Variants in TRANK1 observed in about 807,000 individuals in gnomAD.
TRANK1 encodes the protein TPR and ankyrin repeat-containing protein 1.
A neutral mutation model predicts 266.0 loss-of-function variants in TRANK1; 198 were observed. The observed-to-expected ratio is 0.74, with a 90% confidence interval of 0.66 to 0.84. The LOEUF is 0.84. Ranked by LOEUF, TRANK1 falls within the 40% of genes least tolerant of loss-of-function variation. The pLI, the probability that TRANK1 is intolerant of heterozygous loss-of-function variation, is 0.00. For missense variants in TRANK1, 3,326 were observed against 3,634.6 expected (o/e 0.92, Z 2.18); for synonymous variants, 1,396 against 1,384.1 (o/e 1.01, Z -0.19).
intron 10 of TRANK1, among the ~76,000 whole-genome samples, chr3:36,863,898 T>C (rs1453014203): frequency 6.6e-6 from 1 of 152,222 alleles, no homozygotes; most frequent in Non-Finnish European, 1.5e-5. Flanking sequence ...ATTTCTAGAA[T>C]CTTCCCAAAT....
At chr3:36,925,654 A>ACT (rs1344062117) in intron 1 of TRANK1, among the ~76,000 whole-genome samples, 1 of 149,976 alleles carries the variant, frequency 6.7e-6, no homozygotes. Flanking sequence ...GCAGTGGTGC[A>ACT]ATCTCCGCTC....
rs2078927431 is a variant in TRANK1 at position 36,847,243 on chromosome 3, G to C, written c.4991C>G (p.Ser1664Cys). The change falls in exon 16 of 24, where the codon TCT (serine) becomes TGT (cysteine). Residue 1664 changes from serine to cysteine, a missense_variant. Coordinates refer to ENST00000645898, the MANE Select transcript of TRANK1 (RefSeq NM_001329998.2). Reference sequence around the variant, plus strand: ...CACCATGAGAGATCGACCCTGAGAAGAGCCTGGTTTGTCCAGGGGTACTTC... The same window carrying C: ...CACCATGAGAGATCGACCCTGAGAACAGCCTGGTTTGTCCAGGGGTACTTC... ...LVEVPLDKPG[S>C]SQGRSLMVNP... 1.9e-6 allele frequency: 3 copies of C among 1,613,534 alleles called. No individual in the cohort carries two copies. The highest frequency in any genetic ancestry group is 2.5e-6 in the Non-Finnish European group (3 of 1,179,696).
At chr3:36,851,086 A>G in intron 15 of TRANK1, 1 of 985,522 alleles carries the variant, frequency 1.0e-6, no homozygotes, top group Non-Finnish European at 1.2e-6. Flanking sequence ...CTTGGGGAGA[A>G]AAACCCACAA....
rs762121241 is a variant in TRANK1, at chr3:36,833,390, C to T, written c.6193G>A (p.Ala2065Thr). The T allele has an allele frequency of 6.8e-6, 11 of 1,613,780 alleles. No homozygotes were observed. The African/African-American group carries it at 1.5e-4, about 22-fold the overall frequency. The change falls in exon 22 of 24, where the codon GCA becomes ACA. Residue 2065 changes from alanine (A) to threonine (T), a missense_variant. By Grantham distance (58) the Ala-to-Thr change is moderately conservative. Transcript: ENST00000645898. ...TLNHSAGVVE[A>T]LYEAASQCEA... The stretch of plus-strand genomic sequence containing the variant: ...CACTGGCTGGCTGCTTCGTAGAGTG[C>T]TTCCACCACTCCAGCTGAGTGGTTG...
chr3:36,846,251 T>G lies in TRANK1; in HGVS notation c.5188A>C (p.Lys1730Gln), dbSNP rs773414344. 6.3e-7 allele frequency: 1 copy of G among 1,585,580 alleles called. No individual in the cohort carries two copies. Among genetic ancestry groups the G allele is most frequent in the Admixed American group, 1.8e-5 (1 of 55,326 alleles). Reference protein sequence around the residue: ...FVQVVKTDENKDFDDSMFVKT... With the variant: ...FVQVVKTDENQDFDDSMFVKT... ...GAGTATTTTAACAGGATCTTACCTTTATTTTCATCTGTCTTTACAACTTGG... is the reference window on the plus strand; with the variant it reads ...GAGTATTTTAACAGGATCTTACCTTGATTTTCATCTGTCTTTACAACTTGG... Residue 1730 changes from lysine to glutamine, a missense_variant, in exon 17 of 24, where the codon AAA (lysine) becomes CAA (glutamine). Lys to Gln is a moderately conservative substitution (Grantham distance 53). Transcript: ENST00000645898.
chr3:36,865,024 G>GTTGTTTTTT (rs58393381), intron 9 of TRANK1, among the ~76,000 whole-genome samples: 13 of 119,808 alleles, frequency 1.1e-4, no homozygotes, highest in Non-Finnish European at 2.0e-4. Flanking sequence ...TGTTTTTTTG[G>GTTGTTTTTT]TTTTTTTTTT....
chr3:36,874,864 TG>T (rs201764354), intron 8 of TRANK1, among the ~76,000 whole-genome samples: 2,192 of 152,172 alleles, frequency 0.014, 37 homozygotes, highest in Non-Finnish European at 0.019. Context: ...GTTTGCGGAA[TG>T]AAACAGGTAT....
At position 36,833,403 on chromosome 3, in the gene TRANK1, A is replaced by T; in HGVS notation, c.6180T>A (p.Ala2060=). 2 of 1,613,886 alleles carry T rather than the reference A, an allele frequency of 1.2e-6. No homozygotes were observed. Among genetic ancestry groups the T allele is most frequent in the Non-Finnish European group, 1.7e-6 (2 of 1,179,826 alleles). Residue 2060 remains alanine (A), a synonymous_variant, in exon 22 of 24, where the codon GCT becomes GCA. Transcript: ENST00000645898. ...FFKFDTLNHS[A]GVVEALYEAA... The stretch of plus-strand genomic sequence containing the variant: ...CTTCGTAGAGTGCTTCCACCACTCC[A>T]GCTGAGTGGTTGAGCGTGTCAAACT...
At chr3:36,911,802 G>C (rs1218089640) in intron 1 of TRANK1, among the ~76,000 whole-genome samples, 1 of 152,188 alleles carries the variant, frequency 6.6e-6, no homozygotes, top group Non-Finnish European at 1.5e-5. Context: ...AATAAAAGTG[G>C]TAATAATTTA....
In TRANK1 at chr3:36,851,822, T is replaced by G; in HGVS notation, c.4784A>C (p.Lys1595Thr). Residue 1595 changes from lysine (K) to threonine (T), a missense_variant, in exon 15 of 24, where the codon AAA becomes ACA. Physicochemically the swap from Lys to Thr is moderately conservative, Grantham distance 78. Coordinates refer to ENST00000645898, the MANE Select transcript of TRANK1 (RefSeq NM_001329998.2). The stretch of plus-strand genomic sequence containing the variant: ...TGCTAACCCCAGCTCTTCTGGAATT[T>G]TCTCCTTTGCCGTTTCATTGGCCAC... ...ILVANETAKE[K>T]IPEELGLALV... 1 of 1,607,186 alleles carries G rather than the reference T, an allele frequency of 6.2e-7. No homozygotes were observed. The highest frequency in any genetic ancestry group is 8.5e-7 in the Non-Finnish European group (1 of 1,176,728).
Position 36,856,353 on chromosome 3 carries a change from G to C in TRANK1, c.3369C>G (p.Pro1123=). The change falls in exon 13 of 24, where the codon CCC becomes CCG. Residue 1123 remains proline, a synonymous_variant. Coordinates refer to ENST00000645898, the MANE Select transcript of TRANK1 (RefSeq NM_001329998.2). Reference sequence around the variant, plus strand: ...CCTCCCCACCTGGACTCTCTTTTCCGGGTTCCACTTCCAACCTTCTCTTCA... The same window carrying C: ...CCTCCCCACCTGGACTCTCTTTTCCCGGTTCCACTTCCAACCTTCTCTTCA... ...VWLKRRLEVE[P]GKESPGGEEE... is the part of the protein sequence containing the mutation. The C allele has an allele frequency of 1.3e-6, 2 of 1,577,010 alleles. No homozygotes were observed. Among genetic ancestry groups the C allele is most frequent in the South Asian group, 2.3e-5 (2 of 87,454 alleles).
intron 1 of TRANK1, among the ~76,000 whole-genome samples, chr3:36,916,816 T>C (rs982146086): frequency 3.3e-5 from 5 of 151,088 alleles, no homozygotes; most frequent in African/African-American, 1.2e-4. Context: ...TTTTTTTTTG[T>C]TTTTTGTTTT....
At chr3:36,914,584 C>T (rs1337554707) in intron 1 of TRANK1, among the ~76,000 whole-genome samples, 1 of 151,828 alleles carries the variant, frequency 6.6e-6, no homozygotes, top group African/African-American at 2.4e-5. Context: ...ATACAGAACA[C>T]CCCCAATCCC....
rs749931540 is a variant in TRANK1, at chr3:36,895,719, T to A, written c.473A>T (p.Asp158Val). Residue 158 changes from aspartate to valine, a missense_variant, in exon 5 of 24, where the codon GAT becomes GTT. Transcript: ENST00000645898. ...IVLQSFLPCF[D>V]HIFTTGFPTE... ...TGGGAATCCAGTTGTGAAAATATGA[T>A]CAAAGCAAGGCAAGAAACTTTGCAA... 8 of 1,536,074 alleles carry A rather than the reference T, an allele frequency of 5.2e-6. No individual in the cohort carries two copies. The highest frequency in any genetic ancestry group is 7.0e-6 in the Non-Finnish European group (8 of 1,146,638).
intron 5 of TRANK1, 94 bp from the exon 6 acceptor site, chr3:36,893,078 T>C (rs2079732499): frequency 2.3e-6 from 1 of 442,734 alleles, no homozygotes; most frequent in Admixed American, 5.4e-5. Flanking sequence ...AACAAGCAAA[T>C]AAAAAAAAAC....
chr3:36,831,932 T>C lies in TRANK1; in HGVS notation c.7651A>G (p.Ile2551Val), dbSNP rs2078700710. The C allele has an allele frequency of 6.2e-7, 1 of 1,614,004 alleles. No individual in the cohort carries two copies. The highest frequency in any genetic ancestry group is 2.2e-5 in the East Asian group (1 of 44,880). ...FNVLLDAFSE[I>V]DYVVSGEAER... Reference sequence around the variant, plus strand: ...GCCTCACCCGAGACCACATAGTCTATTTCACTGAAGGCATCAAGCAGGACG... The same window carrying C: ...GCCTCACCCGAGACCACATAGTCTACTTCACTGAAGGCATCAAGCAGGACG... Residue 2551 changes from isoleucine (I) to valine (V), a missense_variant, in exon 22 of 24, where the codon ATA becomes GTA. Coordinates refer to ENST00000645898, the MANE Select transcript of TRANK1 (RefSeq NM_001329998.2). This position sits in a 1 kb window ranked among gnomAD's most constrained non-coding sequence, Gnocchi z 5.0.
At chr3:36,892,784 T>C (rs2079720842) in intron 6 of TRANK1, 117 bp downstream of exon 6, 6 of 296,816 alleles carry the variant, frequency 2.0e-5, no homozygotes, top group Non-Finnish European at 3.3e-5. Context: ...TGAGCTATCA[T>C]GCCACTGCAC....
In TRANK1 at chr3:36,895,596, T is replaced by A. The variant is rs188110692; in HGVS notation, c.552+44A>T. 1.6e-3 allele frequency: 1,889 copies of A among 1,195,424 alleles called. 4 individuals carry two copies. Among genetic ancestry groups the A allele is most frequent in the Non-Finnish European group, 2.1e-3 (1,802 of 877,416 alleles). 74.1% of individuals were successfully genotyped at this position (1,195,424 alleles called of 1,614,324 possible). On this transcript the variant is annotated intron_variant, in intron 5 of 23. Coordinates refer to ENST00000645898, the MANE Select transcript of TRANK1 (RefSeq NM_001329998.2). ...ATGCCAATGGAAAGGAATCATTTCA[T>A]CAAGAATGTACTCTCCCCGTGAGAG...
intron 21 of TRANK1, chr3:36,834,293 T>A: frequency 4.8e-6 from 1 of 206,930 alleles, no homozygotes. Context: ...CATAATCATC[T>A]GGGTCTACAA....
Sources: allele counts gnomAD v4.1 joint callset (sites outside exome capture counted in the v4.1 genomes callset), GRCh38; gene constraint gnomAD v4.1.1; non-coding constraint Gnocchi (gnomAD v3.1); transcripts MANE v1.5; gene names NCBI Gene and HGNC (gene_info 2026-07-23, HGNC 2026-07-21).